Variants in HCN1 observed in about 807,000 individuals in gnomAD.
HCN1 encodes hyperpolarization activated cyclic nucleotide gated potassium channel 1.
HCN1 carries 13 observed loss-of-function variants against 78.9 expected under a neutral mutation model. The ratio of observed to expected loss-of-function variants is 0.16; its 90% CI spans 0.11 to 0.26. The LOEUF is 0.26. Ranked by LOEUF, HCN1 falls within the 10% of genes least tolerant of loss-of-function variation. The probability of loss-of-function intolerance (pLI) is 1.00; values close to 1 mark genes in which losing one functional copy is unlikely to be tolerated. For missense variants in HCN1, 810 were observed against 1,154.3 expected, an observed-to-expected ratio of 0.70 and a Z score of 4.32; for synonymous variants, 552 against 455.5, an observed-to-expected ratio of 1.21 and a Z score of -2.70.
intron 2 of HCN1, chr5:45,644,966 A>T: frequency 1.8e-6 from 1 of 549,368 alleles, no homozygotes; most frequent in Non-Finnish European, 3.2e-6. Context: ...AAATTGGCAT[A>T]AAACGATCAC....
intron 4 of HCN1, among the ~76,000 whole-genome samples, chr5:45,354,309 A>C (rs1442955656): frequency 6.6e-6 from 1 of 152,032 alleles, no homozygotes; most frequent in Admixed American, 6.6e-5. Flanking sequence ...ACTGAAAAAA[A>C]AATAATTAGG....
intron 5 of HCN1, among the ~76,000 whole-genome samples, chr5:45,337,999 T>C (rs1028222168): frequency 1.3e-5 from 2 of 152,200 alleles, no homozygotes; most frequent in African/African-American, 4.8e-5. Context: ...TAATTTTATA[T>C]GCATGGTATG....
At chr5:45,308,017 G>T (rs1305933455) in intron 5 of HCN1, among the ~76,000 whole-genome samples, 1 of 152,062 alleles carries the variant, frequency 6.6e-6, no homozygotes, top group Non-Finnish European at 1.5e-5. Context: ...CATGGGAGGA[G>T]GTGTTTCAGT....
chr5:45,523,045 T>G (rs1742647466), intron 2 of HCN1, among the ~76,000 whole-genome samples: 1 of 151,576 alleles, frequency 6.6e-6, no homozygotes, highest in Non-Finnish European at 1.5e-5. Flanking sequence ...AGTGTGATGT[T>G]CCCCTTCCTG....
chr5:45,651,724 G>T (rs899942738), intron 1 of HCN1, among the ~76,000 whole-genome samples: 1 of 151,870 alleles, frequency 6.6e-6, no homozygotes, highest in African/African-American at 2.4e-5. Context: ...AAGATATTTT[G>T]TAAAATATGT....
chr5:45,420,127 C>A (rs899112621), intron 3 of HCN1, among the ~76,000 whole-genome samples: 1 of 152,028 alleles, frequency 6.6e-6, no homozygotes, highest in African/African-American at 2.4e-5. Context: ...AGCAAATTTG[C>A]GAAGGGATCT....
chr5:45,671,762 G>A (rs1052527617), intron 1 of HCN1, among the ~76,000 whole-genome samples: 1 of 151,500 alleles, frequency 6.6e-6, no homozygotes, highest in African/African-American at 2.4e-5. Context: ...TATTAAGACT[G>A]TATATTTTAT....
At chr5:45,444,142 T>A (rs531357663) in intron 3 of HCN1, among the ~76,000 whole-genome samples, 26 of 152,320 alleles carry the variant, frequency 1.7e-4, no homozygotes, top group Non-Finnish European at 3.7e-4. Flanking sequence ...GGCAGGTTTT[T>A]ATAATATGAA....
chr5:45,571,370 A>C (rs1369203860), intron 2 of HCN1, among the ~76,000 whole-genome samples: 1 of 152,180 alleles, frequency 6.6e-6, no homozygotes, highest in Non-Finnish European at 1.5e-5. Flanking sequence ...GAATCAGAGA[A>C]CACGCTGTTT....
At chr5:45,546,656 T>C (rs1200023588) in intron 2 of HCN1, among the ~76,000 whole-genome samples, 1 of 151,890 alleles carries the variant, frequency 6.6e-6, no homozygotes, top group Non-Finnish European at 1.5e-5. Context: ...TCTCTGTCTC[T>C]CTCTCCTTTC....
chr5:45,523,777 T>C (rs1742667363), intron 2 of HCN1, among the ~76,000 whole-genome samples: 3 of 152,324 alleles, frequency 2.0e-5, no homozygotes, highest in Admixed American at 1.3e-4. Context: ...GTCAGATGAA[T>C]AGGTTGCGAA....
At chr5:45,367,290 A>G (rs2111999533) in intron 4 of HCN1, among the ~76,000 whole-genome samples, 1 of 152,008 alleles carries the variant, frequency 6.6e-6, no homozygotes, top group East Asian at 1.9e-4. Flanking sequence ...CATATTGTAT[A>G]CAAAAGATCC....
intron 5 of HCN1, among the ~76,000 whole-genome samples, chr5:45,333,442 C>T (rs544930527): frequency 3.1e-4 from 47 of 151,528 alleles, no homozygotes; most frequent in Non-Finnish European, 5.9e-4. Flanking sequence ...TGTGGATTGT[C>T]TTTTTACTTT....
At chr5:45,368,525 C>G (rs1747283047) in intron 4 of HCN1, among the ~76,000 whole-genome samples, 1 of 151,836 alleles carries the variant, frequency 6.6e-6, no homozygotes, top group East Asian at 1.9e-4. Flanking sequence ...TGTTCTCTCC[C>G]AGTTTTATGG....
Position 45,622,162 on chromosome 5 carries a change from C to T in HCN1, c.849+23023G>A, listed in dbSNP as rs368969840. 7.9e-5 allele frequency among the ~76,000 whole-genome samples: 12 copies of T among 151,732 alleles called. No homozygotes were observed. In the East Asian group the frequency reaches 1.8e-3, roughly 22 times the overall value. ...GCGTGAACCCAGGAGGCCGAGATCG[C>T]GCCACTGCACTCCAGCCTGGGCGAC... is the stretch of plus-strand genomic sequence containing the variant. On this transcript the variant is annotated intron_variant, in intron 2 of 7. Transcript: ENST00000303230.
At chr5:45,308,935 G>T (rs1390704277) in intron 5 of HCN1, among the ~76,000 whole-genome samples, 1 of 152,236 alleles carries the variant, frequency 6.6e-6, no homozygotes, top group Admixed American at 6.5e-5. Context: ...GAATAGCATT[G>T]AATCTATAAA....
chr5:45,632,864 C>A (rs374181685), intron 2 of HCN1, among the ~76,000 whole-genome samples: 1 of 151,980 alleles, frequency 6.6e-6, no homozygotes, highest in Non-Finnish European at 1.5e-5. Context: ...ATAATATACT[C>A]ATGGAAAATG....
At chr5:45,356,391 G>T (rs1041376597) in intron 4 of HCN1, among the ~76,000 whole-genome samples, 4 of 151,644 alleles carry the variant, frequency 2.6e-5, no homozygotes, top group Admixed American at 2.0e-4. Flanking sequence ...ATTTATAAAA[G>T]TATGCATGTA....
intron 3 of HCN1, among the ~76,000 whole-genome samples, chr5:45,401,346 T>A (rs1278924987): frequency 6.6e-6 from 1 of 152,040 alleles, no homozygotes; most frequent in Non-Finnish European, 1.5e-5. Flanking sequence ...CTAATGAAAT[T>A]TTTTTTTCCT....
Sources: allele counts gnomAD v4.1 joint callset (sites outside exome capture counted in the v4.1 genomes callset), GRCh38; gene constraint gnomAD v4.1.1; transcripts MANE v1.5; gene names NCBI Gene and HGNC (gene_info 2026-07-23, HGNC 2026-07-21).